SLC38A5: variants seen among roughly 807,000 people sequenced by gnomAD.
SLC38A5 encodes the protein sodium-coupled neutral amino acid transporter 5.
In SLC38A5, 9 loss-of-function variants were observed where a neutral mutation model predicts 34.6. The observed-to-expected ratio is 0.26, with a 90% CI of 0.16 to 0.45. The LOEUF (loss-of-function observed/expected upper bound fraction) is 0.45, where lower values mean the gene tolerates loss of function less well. Ranked by LOEUF, SLC38A5 falls within the 20% of genes least tolerant of loss-of-function variation. The pLI is 1.00. For synonymous variants in SLC38A5, 157 were observed against 155.6 expected (o/e 1.01, Z -0.07); for missense variants, 253 against 394.7 (o/e 0.64, Z 3.04).
At chrX:48,464,791 G>A (rs909307005) in intron 8 of SLC38A5, among the ~76,000 whole-genome samples, 19 of 110,176 alleles carry the variant, frequency 1.7e-4, no homozygotes, top group African/African-American at 5.6e-4. Context: ...AAAATTAACC[G>A]AGCATGGTGG....
intron 2 of SLC38A5, chrX:48,468,523 G>T: frequency 2.2e-6 from 1 of 444,785 alleles, no homozygotes. Flanking sequence ...TGAGCTGAGG[G>T]TTGGGGACAG....
At chrX:48,469,608 TAG>T (rs2061500894) in intron 1 of SLC38A5, 172 bp from the exon 2 acceptor site, 1 of 111,088 alleles carries the variant, frequency 9.0e-6, no homozygotes, top group Admixed American at 9.7e-5. Flanking sequence ...GACCCACAGC[TAG>T]AGAGAGTGAC....
At chrX:48,468,481 G>T in intron 2 of SLC38A5, 1 of 672,228 alleles carries the variant, frequency 1.5e-6, no homozygotes, top group Non-Finnish European at 1.8e-6. Context: ...GGGCCCCCAA[G>T]CCCGAGACCA....
In SLC38A5 at chrX:48,460,719, G is replaced by A. The variant is rs782233746; in HGVS notation, c.998C>T (p.Pro333Leu). The change falls in exon 14 of 17, where the codon CCG becomes CTG. Residue 333 changes from proline to leucine, a missense_variant. By Grantham distance (98) the Pro-to-Leu change is moderately conservative (BLOSUM62 -3). Around this residue, in one of 3 missense-constraint regions of SLC38A5, gnomAD observed 176 missense variants for 273.0 expected, o/e 0.64. Transcript: ENST00000620913. ...GGCCAGGCGCACACAGAGGATGAGC[G>A]GGTCCTTCTGGCTGTACATGTGCAG... ...EMLHMYSQKD[P>L]LILCVRLAVL... 18 of 1,210,661 alleles carry A rather than the reference G, an allele frequency of 1.5e-5. No homozygotes were observed. In the South Asian group the frequency reaches 2.1e-4, roughly 14 times the overall value.
At chrX:48,461,557 C>T (rs781959433) in intron 12 of SLC38A5, among the ~76,000 whole-genome samples, 161 bp downstream of exon 12, 1 of 112,074 alleles carries the variant, frequency 8.9e-6, no homozygotes, top group African/African-American at 3.2e-5. Flanking sequence ...AGTCACTACC[C>T]TGAGTGCCCC....
At chrX:48,460,839 C>T in intron 13 of SLC38A5, 75 bp from the exon 14 acceptor site, 4 of 1,039,578 alleles carry the variant, frequency 3.8e-6, no homozygotes, top group East Asian at 3.2e-5. Context: ...GAAACCCATA[C>T]ATACATGCAC....
intron 2 of SLC38A5, chrX:48,468,322 C>A: frequency 1.2e-6 from 1 of 802,657 alleles, no homozygotes; most frequent in Non-Finnish European, 1.5e-6. Flanking sequence ...CTCTTGCCAT[C>A]TGTGTCTTTC....
chrX:48,462,892 T>G lies in SLC38A5; in HGVS notation c.574+6A>C, dbSNP rs2061444338. The G allele has an allele frequency of 4.2e-6, 5 of 1,200,460 alleles. No homozygotes were observed. In the African/African-American group the frequency reaches 7.0e-5, roughly 17 times the overall value. ...TACCCAATGGCCAACCCAGGGAGCC[T>G]CTTACCCAAGTGTTTCATGAGGGCG... On this transcript the variant is annotated splice_donor_region_variant and intron_variant, in intron 9 of 16. Transcript: ENST00000620913.
At chrX:48,467,490 G>A in intron 4 of SLC38A5, 1 of 440,526 alleles carries the variant, frequency 2.3e-6, no homozygotes, top group Non-Finnish European at 4.0e-6. Context: ...GGGCCGAAGA[G>A]CGGGTGGGGA....
rs1420927817 is a variant in SLC38A5 at position 48,458,668 on chromosome X, C to CCTT, written c.*264_*265insAAG. 1.0e-6 allele frequency: 1 copy of CCTT among 962,996 alleles called. No individual in the cohort carries two copies. Among genetic ancestry groups the CCTT allele is most frequent in the Non-Finnish European group, 1.3e-6 (1 of 769,064 alleles). The allele number at this position is 962,996 out of a possible 1,213,427, so 79.4% of individuals were successfully genotyped here. ...CTCCACCAGGACCTGGCCTCCTCCT[C>CCTT]CTCCTCCTCCTCCTCCTCCTCCTCC... is the stretch of plus-strand genomic sequence containing the variant. On this transcript the variant is annotated 3_prime_UTR_variant, in exon 17 of 17. Transcript: ENST00000620913.
At position 48,458,673 on chromosome X, in the gene SLC38A5, T is replaced by A. The variant is rs1269340046; in HGVS notation, c.*260A>T. On this transcript the variant is annotated 3_prime_UTR_variant, in exon 17 of 17. Coordinates refer to ENST00000620913, the MANE Select transcript of SLC38A5 (RefSeq NM_033518.4). ...CCAGGACCTGGCCTCCTCCTCCTCCTCCTCCTCCTCCTCCTCCTCCTCTTC... is the reference window on the plus strand; with the variant it reads ...CCAGGACCTGGCCTCCTCCTCCTCCACCTCCTCCTCCTCCTCCTCCTCTTC... 1 of 971,881 alleles carries A rather than the reference T, an allele frequency of 1.0e-6. No homozygotes were observed. 80.1% of individuals were successfully genotyped at this position (971,881 alleles called of 1,213,427 possible).
Position 48,459,774 on chromosome X carries a change from C to G in SLC38A5, c.1171G>C (p.Val391Leu), listed in dbSNP as rs1245403484. 1 of 1,209,706 alleles carries G rather than the reference C, an allele frequency of 8.3e-7. No individual in the cohort carries two copies. The highest frequency in any genetic ancestry group is 1.7e-5 in the African/African-American group (1 of 57,159). ...LILLVLVNVLVICVPTIRDIF... is the reference protein window; with the variant it reads ...LILLVLVNVLLICVPTIRDIF... ...TCCCGGATGGTTGGCACACAGATGA[C>G]AAGGACATTGACCAAAACAAGCAGG... The change falls in exon 15 of 17, where the codon GTC becomes CTC. Residue 391 changes from valine (V) to leucine (L), a missense_variant. Around this residue, in one of 3 missense-constraint regions of SLC38A5, gnomAD observed 176 missense variants for 273.0 expected, o/e 0.64. Coordinates refer to ENST00000620913, the MANE Select transcript of SLC38A5 (RefSeq NM_033518.4).
At position 48,467,084 on chromosome X, in the gene SLC38A5, G is replaced by C; in HGVS notation, c.130-7C>G. ...ACGATGTCTTCCCCTCGAACTGCAC[G>C]CAAGGAGCAAAGCCCGGGCACACAT... On this transcript the variant is annotated splice_polypyrimidine_tract_variant and splice_region_variant and intron_variant, in intron 4 of 16. Transcript: ENST00000620913. The C allele has an allele frequency of 8.3e-7, 1 of 1,198,242 alleles. No homozygotes were observed. The highest frequency in any genetic ancestry group is 1.1e-6 in the Non-Finnish European group (1 of 884,440).
At chrX:48,464,082 C>G (rs190767167) in intron 8 of SLC38A5, among the ~76,000 whole-genome samples, 93 of 111,948 alleles carry the variant, frequency 8.3e-4, no homozygotes, top group Non-Finnish European at 1.3e-3. Context: ...CTTGTTTGAA[C>G]AGCTCAAGGT....
chrX:48,464,790 C>T (rs782253778), intron 8 of SLC38A5, among the ~76,000 whole-genome samples: 18 of 110,504 alleles, frequency 1.6e-4, no homozygotes, highest in Non-Finnish European at 3.4e-4. Flanking sequence ...AAAAATTAAC[C>T]GAGCATGGTG....
At chrX:48,468,100 GA>G in intron 2 of SLC38A5, 175 bp from the exon 3 acceptor site, 9 of 878,269 alleles carry the variant, frequency 1.0e-5, no homozygotes, top group Non-Finnish European at 1.4e-5. Context: ...GACTGACAGA[GA>G]AAGAGATGAG....
At chrX:48,467,491 CG>C (rs1179193267) in intron 4 of SLC38A5, 3 of 429,597 alleles carry the variant, frequency 7.0e-6, no homozygotes, top group Admixed American at 8.1e-5. Flanking sequence ...GGCCGAAGAG[CG>C]GGTGGGGAGA....
chrX:48,462,826 A>T, intron 9 of SLC38A5, 72 bp downstream of exon 9: 1 of 831,959 alleles, frequency 1.2e-6, no homozygotes, highest in Non-Finnish European at 1.7e-6. Flanking sequence ...TTGAAAATGA[A>T]TGGGGGTTTT....
chrX:48,467,912 C>T lies in SLC38A5; in HGVS notation c.13G>A (p.Asp5Asn). 2.5e-6 allele frequency: 3 copies of T among 1,205,731 alleles called. No individual in the cohort carries two copies. Among genetic ancestry groups the T allele is most frequent in the Non-Finnish European group, 3.4e-6 (3 of 892,261 alleles). MELQ[D>N]PKMNGALPSD... ...GGGAGGGCTCCATTCATCTTTGGAT[C>T]CTGCAGTTCCATCCTGTGGGCAAAG... Residue 5 changes from aspartate to asparagine, a missense_variant, in exon 3 of 17, where the codon GAT (aspartate) becomes AAT (asparagine). Asp to Asn is a conservative substitution (Grantham distance 23). This residue lies in a region of SLC38A5 where 40 missense variants were observed against 36.4 expected (regional missense o/e 1.10). Transcript: ENST00000620913.
Sources: allele counts gnomAD v4.1 joint callset (sites outside exome capture counted in the v4.1 genomes callset), GRCh38; gene constraint gnomAD v4.1.1; regional missense constraint gnomAD v4.1.1; transcripts MANE v1.5; gene names NCBI Gene and HGNC (gene_info 2026-07-23, HGNC 2026-07-21).